Variants in CD101 observed in about 807,000 individuals in gnomAD.
The protein encoded by CD101 is immunoglobulin superfamily member 2.
A neutral mutation model predicts 98.2 loss-of-function variants in CD101; 76 were observed. The ratio of observed to expected loss-of-function variants is 0.77; its 90% CI spans 0.64 to 0.94. CD101 has a LOEUF of 0.94. CD101 is among the 40% of genes least tolerant of loss of function. The pLI is 0.00. For missense variants in CD101, 1,145 were observed against 1,218.8 expected, an observed-to-expected ratio of 0.94 and a Z score of 0.90; for synonymous variants, 471 against 472.7, an observed-to-expected ratio of 1.00 and a Z score of 0.05.
At position 117,017,115 on chromosome 1, in the gene CD101, G is replaced by C; in HGVS notation, c.1254G>C (p.Lys418Asn). Residue 418 changes from lysine to asparagine, a missense_variant, in exon 5 of 10, where the codon AAG (lysine) becomes AAC (asparagine). Coordinates refer to ENST00000682167, the MANE Select transcript of CD101 (RefSeq NM_001256106.3). ...PAARSVVMST[K>N]NKQQVVWEGE... Reference sequence around the variant, plus strand: ...CAAGAAGTGTGGTCATGTCTACCAAGAACAAGCAGCAAGTTGTGTGGGAAG... The same window carrying C: ...CAAGAAGTGTGGTCATGTCTACCAACAACAAGCAGCAAGTTGTGTGGGAAG... The C allele has an allele frequency of 1.2e-6, 2 of 1,614,044 alleles. No homozygotes were observed. The highest frequency in any genetic ancestry group is 1.7e-6 in the Non-Finnish European group (2 of 1,179,952).
chr1:117,029,297 C>CATCT (rs1402168989), intron 8 of CD101, among the ~76,000 whole-genome samples: 8 of 143,236 alleles, frequency 5.6e-5, no homozygotes, highest in Non-Finnish European at 1.2e-4. Flanking sequence ...GACAGTCCAA[C>CATCT]ATCTGAAAGA....
intron 9 of CD101, among the ~76,000 whole-genome samples, chr1:117,035,090 T>TG (rs1174972166): frequency 6.6e-6 from 1 of 151,954 alleles, no homozygotes; most frequent in Non-Finnish European, 1.5e-5. Flanking sequence ...AAGCAGCCGG[T>TG]GGGGGTGGGG....
intron 6 of CD101, among the ~76,000 whole-genome samples, chr1:117,020,154 C>A (rs928738266): frequency 2.0e-5 from 3 of 152,152 alleles, no homozygotes; most frequent in African/African-American, 7.2e-5. Flanking sequence ...CAGGAAGTCT[C>A]CCCTCACTCC....
Position 117,018,207 on chromosome 1 carries a change from C to T in CD101, c.1664C>T (p.Thr555Ile), listed in dbSNP as rs1243738362. ...AGCCGTCAGCCGCAAGTGATGTTAA[C>T]CAACACCTTTGACCTGTCCTGTGTC... ...LMSRQPQVML[T>I]NTFDLSCVVR... Residue 555 changes from threonine (T) to isoleucine (I), a missense_variant, in exon 6 of 10, where the codon ACC becomes ATC. By Grantham distance (89) the Thr-to-Ile change is moderately conservative. Coordinates refer to ENST00000682167, the MANE Select transcript of CD101 (RefSeq NM_001256106.3). The surrounding 1 kb of genome is among the most constrained non-coding windows in gnomAD (Gnocchi z 4.3). 2 of 1,612,642 alleles carry T rather than the reference C, an allele frequency of 1.2e-6. No individual in the cohort carries two copies. Among genetic ancestry groups the T allele is most frequent in the Admixed American group, 3.3e-5 (2 of 59,888 alleles).
rs369381451 is a variant in CD101 at position 117,033,471 on chromosome 1, A to C, written c.2825-389A>C. ...GTGTGTTGGAGGAGCAGCAGTGGGAATAACTCAGTTAAAAATTCAGGACTG... is the reference window on the plus strand; with the variant it reads ...GTGTGTTGGAGGAGCAGCAGTGGGACTAACTCAGTTAAAAATTCAGGACTG... On this transcript the variant is annotated intron_variant, in intron 8 of 9. Coordinates refer to ENST00000682167, the MANE Select transcript of CD101 (RefSeq NM_001256106.3). The surrounding 1 kb of genome is among the most constrained non-coding windows in gnomAD (Gnocchi z 4.8). Among the ~76,000 whole-genome samples the C allele has an allele frequency of 1.3e-5, 2 of 152,178 alleles. No individual in the cohort carries two copies. The highest frequency in any genetic ancestry group is 2.1e-4 in the South Asian group (1 of 4,824).
At chr1:117,002,545 A>T (rs1317584939) in intron 1 of CD101, among the ~76,000 whole-genome samples, 3 of 152,250 alleles carry the variant, frequency 2.0e-5, no homozygotes, top group African/African-American at 7.2e-5. Context: ...CAAACCAGAT[A>T]GCAGGTACTT....
chr1:117,021,974 A>C lies in CD101; in HGVS notation c.2419A>C (p.Lys807Gln). ...GTCAGGACTAACAGAATTGAAACTCAAGCCCACAGGTAAACCTTGCGAGTG... is the reference window on the plus strand; with the variant it reads ...GTCAGGACTAACAGAATTGAAACTCCAGCCCACAGGTAAACCTTGCGAGTG... ...KKSGLTELKLKPTGSKVRVSK... is the reference protein window; with the variant it reads ...KKSGLTELKLQPTGSKVRVSK... Residue 807 changes from lysine (K) to glutamine (Q), a missense_variant, in exon 7 of 10, where the codon AAG (lysine) becomes CAG (glutamine). Coordinates refer to ENST00000682167, the MANE Select transcript of CD101 (RefSeq NM_001256106.3). This position sits in a 1 kb window ranked among gnomAD's most constrained non-coding sequence, Gnocchi z 4.7. 1 of 1,605,450 alleles carries C rather than the reference A, an allele frequency of 6.2e-7. No individual in the cohort carries two copies. Among genetic ancestry groups the C allele is most frequent in the South Asian group, 1.1e-5 (1 of 89,388 alleles).
rs139644223 is a variant in CD101, at chr1:117,017,232, C to T, written c.1371C>T (p.Pro457=). The T allele has an allele frequency of 2.0e-5, 33 of 1,613,960 alleles. No individual in the cohort carries two copies. Among genetic ancestry groups the T allele is most frequent in the Admixed American group, 8.3e-5 (5 of 59,992 alleles). Residue 457 remains proline (P), a synonymous_variant, in exon 5 of 10, where the codon CCC becomes CCT. Coordinates refer to ENST00000682167, the MANE Select transcript of CD101 (RefSeq NM_001256106.3). ...WWHIPRDQTQ[P]EFVAGMGQDG... ...ACATCCCACGGGACCAGACACAGCC[C>T]GAGTTTGTGGCTGGCATGGGGCAGG... is the stretch of plus-strand genomic sequence containing the variant.
chr1:117,028,484 C>G (rs1654111935), intron 8 of CD101, among the ~76,000 whole-genome samples: 1 of 152,194 alleles, frequency 6.6e-6, no homozygotes, highest in South Asian at 2.1e-4. Flanking sequence ...TGATAAAGGT[C>G]TGTCCAATAG....
In CD101 at chr1:117,022,101, C is replaced by A. The variant is rs2101138813; in HGVS notation, c.2428+118C>A. 1 of 1,112,220 alleles carries A rather than the reference C, an allele frequency of 9.0e-7. No homozygotes were observed. Among genetic ancestry groups the A allele is most frequent in the Non-Finnish European group, 1.3e-6 (1 of 776,622 alleles). The allele number at this position is 1,112,220 out of a possible 1,614,324, so 68.9% of individuals were successfully genotyped here. A position where few individuals can be genotyped will look rare whatever the true frequency, so the allele number is the denominator to read the frequency against. On this transcript the variant is annotated intron_variant, in intron 7 of 9. Coordinates refer to ENST00000682167, the MANE Select transcript of CD101 (RefSeq NM_001256106.3). The surrounding 1 kb of genome is among the most constrained non-coding windows in gnomAD (Gnocchi z 4.8). ...AAAATATGACCTAAAGTCATAGGAA[C>A]AGTATCTACCTACACATGACTGCAA...
intron 8 of CD101, among the ~76,000 whole-genome samples, chr1:117,029,331 AGG>A: frequency 6.6e-6 from 1 of 152,316 alleles, no homozygotes; most frequent in Middle Eastern, 3.4e-3. Context: ...GAAAGAAAGA[AGG>A]AATGAAGGAA....
chr1:117,025,929 A>T lies in CD101; in HGVS notation c.2824+25A>T, dbSNP rs371469835. Reference sequence around the variant, plus strand: ...GGTAACCAGGGGTTTATCTACCGCGAGCTCATGGTCAGGAGAATACATGGC... The same window carrying T: ...GGTAACCAGGGGTTTATCTACCGCGTGCTCATGGTCAGGAGAATACATGGC... On this transcript the variant is annotated intron_variant, in intron 8 of 9. Transcript: ENST00000682167. 16 of 1,582,254 alleles carry T rather than the reference A, an allele frequency of 1.0e-5. No homozygotes were observed. The African/African-American group carries it at 1.2e-4, about 12-fold the overall frequency.
chr1:117,024,746 G>A (rs1047690451), intron 7 of CD101, among the ~76,000 whole-genome samples: 3 of 152,138 alleles, frequency 2.0e-5, no homozygotes, highest in African/African-American at 4.8e-5. Context: ...CTTGGATGGC[G>A]TCCTCTCTCT....
Position 117,029,213 on chromosome 1 carries a change from A to AAGG in CD101, c.2824+3310_2824+3311insGGA, listed in dbSNP as rs1553188331. Among the ~76,000 whole-genome samples, 87 of 71,806 alleles carry AAGG rather than the reference A, an allele frequency of 1.2e-3. 7 individuals carry two copies. Among genetic ancestry groups the AAGG allele is most frequent in the Admixed American group, 2.3e-3 (17 of 7,280 alleles). 47.1% of individuals were successfully genotyped at this position (71,806 alleles called of 152,430 possible). A position where few individuals can be genotyped will look rare whatever the true frequency, so the allele number is the denominator to read the frequency against. ...AAAGAAAGAAAGAAAGAAAAGAAAG[A>AAGG]AAAGAAAGAAAGAAAGAAAGAAAGA... On this transcript the variant is annotated intron_variant, in intron 8 of 9. Coordinates refer to ENST00000682167, the MANE Select transcript of CD101 (RefSeq NM_001256106.3).
Position 117,004,652 on chromosome 1 carries a change from A to G in CD101, c.43+2792A>G, listed in dbSNP as rs922228008. On this transcript the variant is annotated intron_variant, in intron 1 of 9. Transcript: ENST00000682167. The surrounding 1 kb of genome is among the most constrained non-coding windows in gnomAD (Gnocchi z 4.1). Reference sequence around the variant, plus strand: ...CTCACAGGTGTTTTTCGGAGGGTGGATGATATGTACTTGAAAAAACCCAGA... The same window carrying G: ...CTCACAGGTGTTTTTCGGAGGGTGGGTGATATGTACTTGAAAAAACCCAGA... Among the ~76,000 whole-genome samples, 1 of 152,138 alleles carries G rather than the reference A, an allele frequency of 6.6e-6. No individual in the cohort carries two copies. Among genetic ancestry groups the G allele is most frequent in the African/African-American group, 2.4e-5 (1 of 41,404 alleles).
intron 7 of CD101, among the ~76,000 whole-genome samples, chr1:117,024,659 T>TA (rs1432977878): frequency 1.3e-5 from 2 of 152,206 alleles, no homozygotes; most frequent in East Asian, 3.8e-4. Context: ...AAAATCTCTT[T>TA]AAAACTCAGT....
In CD101 at chr1:117,034,094, G is replaced by A. The variant is rs752951511; in HGVS notation, c.3059G>A (p.Gly1020Asp). The A allele has an allele frequency of 6.2e-7, 1 of 1,614,072 alleles. No homozygotes were observed. Among genetic ancestry groups the A allele is most frequent in the Non-Finnish European group, 8.5e-7 (1 of 1,180,014 alleles). Residue 1020 changes from glycine to aspartate, a missense_variant, in exon 9 of 10, where the codon GGC (glycine) becomes GAC (aspartate). Physicochemically the swap from Gly to Asp is moderately conservative, Grantham distance 94. Transcript: ENST00000682167. ...NRREDEEEDE[G>D]N ...AGGGAAGACGAGGAGGAAGATGAAG[G>A]CAACTGAATCCCAAGAGGCACCTGC... is the stretch of plus-strand genomic sequence containing the variant.
intron 1 of CD101, 106 bp from the exon 2 acceptor site, chr1:117,009,744 C>A: frequency 1.7e-6 from 2 of 1,208,312 alleles, no homozygotes; most frequent in South Asian, 1.6e-5. Flanking sequence ...TAATAACTTG[C>A]GATCTCATTT....
At chr1:117,028,106 TA>T (rs1247742208) in intron 8 of CD101, among the ~76,000 whole-genome samples, 302 of 125,776 alleles carry the variant, frequency 2.4e-3, no homozygotes, top group African/African-American at 9.1e-3. Context: ...AATAAATAAA[TA>T]AAATAAAATA....
Sources: allele counts gnomAD v4.1 joint callset (sites outside exome capture counted in the v4.1 genomes callset), GRCh38; gene constraint gnomAD v4.1.1; non-coding constraint Gnocchi (gnomAD v3.1); transcripts MANE v1.5; gene names NCBI Gene and HGNC (gene_info 2026-07-23, HGNC 2026-07-21).